Variants in GTF2E2 observed in about 807,000 individuals in gnomAD.
GTF2E2 encodes the protein general transcription factor IIE subunit 2.
GTF2E2 carries 21 observed loss-of-function variants against 40.5 expected under a neutral mutation model. The observed-to-expected ratio is 0.52, with a 90% confidence interval of 0.37 to 0.75. The LOEUF is 0.75. Among genes scored for constraint, GTF2E2 ranks in the 30% least tolerant of loss-of-function variants. The pLI, the probability that GTF2E2 is intolerant of heterozygous loss-of-function variation, is 0.00. For missense variants in GTF2E2, 298 were observed against 338.4 expected (o/e 0.88, Z 0.94); for synonymous variants, 117 against 121.6 (o/e 0.96, Z 0.25).
intron 3 of GTF2E2, among the ~76,000 whole-genome samples, chr8:30,623,555 G>A (rs1462392301): frequency 2.0e-5 from 3 of 151,984 alleles, no homozygotes; most frequent in African/African-American, 7.3e-5. Context: ...TGGGTCAAAT[G>A]GTATTTCTAG....
chr8:30,596,395 T>C (rs1829006574), intron 6 of GTF2E2, among the ~76,000 whole-genome samples: 2 of 152,198 alleles, frequency 1.3e-5, no homozygotes, highest in South Asian at 2.1e-4. Flanking sequence ...AATGAGCTTG[T>C]TGAAGACATT....
intron 3 of GTF2E2, among the ~76,000 whole-genome samples, chr8:30,624,647 TGGAA>T (rs1364245611): frequency 6.6e-6 from 1 of 152,118 alleles, no homozygotes; most frequent in Non-Finnish European, 1.5e-5. Context: ...GCCATGAGCA[TGGAA>T]TGTTCTTCCA....
At chr8:30,653,394 C>A (rs371031821) in intron 2 of GTF2E2, 39 bp downstream of exon 2, 14 of 1,526,870 alleles carry the variant, frequency 9.2e-6, no homozygotes, top group Middle Eastern at 1.8e-4. Flanking sequence ...CCTGAATAAT[C>A]TGAATAAAAA....
At chr8:30,629,356 G>A (rs2978271) in intron 3 of GTF2E2, among the ~76,000 whole-genome samples, 4,654 of 152,154 alleles carry the variant, frequency 0.031, 101 homozygotes, top group African/African-American at 0.048. Context: ...AGTTAGGCCA[G>A]TGATTCTCAA....
chr8:30,589,421 G>C (rs1337123880), intron 6 of GTF2E2, among the ~76,000 whole-genome samples: 3 of 152,146 alleles, frequency 2.0e-5, no homozygotes, highest in Non-Finnish European at 4.4e-5. Context: ...AAATTGGCCA[G>C]ACATGGAGGC....
intron 6 of GTF2E2, among the ~76,000 whole-genome samples, chr8:30,598,930 A>T (rs1328650972): frequency 6.6e-6 from 1 of 152,214 alleles, no homozygotes; most frequent in African/African-American, 2.4e-5. Context: ...AAGCCAAGGC[A>T]GGAGGATCGT....
In GTF2E2 at chr8:30,656,601, G is replaced by A. The variant is rs546875204; in HGVS notation, c.-5+1372C>T. On this transcript the variant is annotated intron_variant, in intron 1 of 7. Coordinates refer to ENST00000355904, the MANE Select transcript of GTF2E2 (RefSeq NM_002095.6). Reference sequence around the variant, plus strand: ...AGGAGGGCGGATCACGAGGTCAGGAGTTCTAGACGAGTCTGGCCAACATGG... The same window carrying A: ...AGGAGGGCGGATCACGAGGTCAGGAATTCTAGACGAGTCTGGCCAACATGG... Among the ~76,000 whole-genome samples the A allele has an allele frequency of 4.6e-5, 7 of 152,274 alleles. No homozygotes were observed. The South Asian group carries it at 1.2e-3, about 27-fold the overall frequency.
At chr8:30,585,772 TAAAAAA>T (rs146018850) in intron 6 of GTF2E2, among the ~76,000 whole-genome samples, 2 of 67,658 alleles carry the variant, frequency 3.0e-5, no homozygotes, top group Non-Finnish European at 2.6e-5. Context: ...CTTTGCCCTT[TAAAAAA>T]AAAAAAAAAA....
rs995836553 is a variant in GTF2E2 at position 30,635,114 on chromosome 8, T to C, written c.176A>G (p.Asn59Ser). ...CAAAGCTTTCAAGTTAAATGATCCA[T>C]TGCTATGATCTGCAAATGAAGTTCA... Reference protein sequence around the residue: ...SGSKQNSDHSNGSFNLKALSG... With the variant: ...SGSKQNSDHSSGSFNLKALSG... The change falls in exon 3 of 8, where the codon AAT becomes AGT. Residue 59 changes from asparagine to serine, a missense_variant. Physicochemically the swap from Asn to Ser is conservative, Grantham distance 46. Transcript: ENST00000355904. 6.9e-6 allele frequency: 11 copies of C among 1,588,744 alleles called. No individual in the cohort carries two copies. Among genetic ancestry groups the C allele is most frequent in the Non-Finnish European group, 9.5e-6 (11 of 1,158,154 alleles).
rs569145658 is a variant in GTF2E2, at chr8:30,592,294, G to A, written c.644-11898C>T. 9.2e-5 allele frequency among the ~76,000 whole-genome samples: 14 copies of A among 152,240 alleles called. 1 individual carries two copies. Among genetic ancestry groups the A allele is most frequent in the East Asian group, 3.9e-4 (2 of 5,178 alleles). On this transcript the variant is annotated intron_variant, in intron 6 of 7. Transcript: ENST00000355904. ...CTGGGGAGGCTGAGATAGGAGGATC[G>A]CCTGTGCCCAGGGAGGTCAAGGCTG...
At chr8:30,626,354 A>T (rs906995307) in intron 3 of GTF2E2, among the ~76,000 whole-genome samples, 6 of 152,144 alleles carry the variant, frequency 3.9e-5, no homozygotes, top group African/African-American at 1.4e-4. Context: ...GCGTGGTGGC[A>T]CACGCCTGTA....
At chr8:30,600,798 T>C (rs1031304672) in intron 6 of GTF2E2, among the ~76,000 whole-genome samples, 1 of 152,202 alleles carries the variant, frequency 6.6e-6, no homozygotes, top group Non-Finnish European at 1.5e-5. Flanking sequence ...AAAAAATTAC[T>C]ACACCATCAA....
chr8:30,627,762 C>A (rs1801331014), intron 3 of GTF2E2, among the ~76,000 whole-genome samples: 1 of 152,184 alleles, frequency 6.6e-6, no homozygotes, highest in Admixed American at 6.5e-5. Flanking sequence ...TACAGAAATC[C>A]AGTGGCTTAG....
At chr8:30,598,778 G>A (rs1207068141) in intron 6 of GTF2E2, among the ~76,000 whole-genome samples, 1 of 152,132 alleles carries the variant, frequency 6.6e-6, no homozygotes, top group Non-Finnish European at 1.5e-5. Flanking sequence ...TAAAACATGT[G>A]GGGACAAAAT....
At chr8:30,620,458 G>C (rs1182903746) in intron 3 of GTF2E2, among the ~76,000 whole-genome samples, 1 of 151,992 alleles carries the variant, frequency 6.6e-6, no homozygotes, top group Non-Finnish European at 1.5e-5. Context: ...ACTGCTTTCA[G>C]TCAGAAAAAG....
intron 2 of GTF2E2, among the ~76,000 whole-genome samples, chr8:30,651,532 A>T (rs1325467156): frequency 1.3e-5 from 2 of 152,072 alleles, no homozygotes; most frequent in East Asian, 3.9e-4. Context: ...AGGTAGGAAG[A>T]TTGCTTGAGG....
chr8:30,599,591 A>C (rs11779131), intron 6 of GTF2E2, among the ~76,000 whole-genome samples: 6 of 150,788 alleles, frequency 4.0e-5, no homozygotes, highest in Admixed American at 1.3e-4. Context: ...AAAAAAAAAA[A>C]AAAAACTTCC....
In GTF2E2 at chr8:30,601,885, T is replaced by C. The variant is rs28886939; in HGVS notation, c.643+5172A>G. ...CCAGTTATGACATCTAAGTTGCCAA[T>C]ACATCGTAACTATATTGGCCCATTG... On this transcript the variant is annotated intron_variant, in intron 6 of 7. Coordinates refer to ENST00000355904, the MANE Select transcript of GTF2E2 (RefSeq NM_002095.6). Among the ~76,000 whole-genome samples the C allele has an allele frequency of 3.6e-3, 551 of 152,368 alleles. 4 individuals carry two copies. The highest frequency in any genetic ancestry group is 0.013 in the African/African-American group (540 of 41,588).
chr8:30,616,717 G>C (rs1232293600), intron 3 of GTF2E2, among the ~76,000 whole-genome samples: 1 of 152,062 alleles, frequency 6.6e-6, no homozygotes, highest in Non-Finnish European at 1.5e-5. Flanking sequence ...GCAGGATGTT[G>C]ATAGTGGAGG....
Sources: gnomAD v4.1 joint callset for allele counts (sites outside exome capture counted in the v4.1 genomes callset) on GRCh38, gnomAD v4.1.1 for gene constraint, MANE v1.5 for transcripts, NCBI Gene and HGNC (gene_info 2026-07-23, HGNC 2026-07-21) for gene names.